Variants in KCNAB1 observed in about 807,000 individuals in gnomAD.
KCNAB1 encodes voltage-gated potassium channel subunit beta-1.
A neutral mutation model predicts 64.6 loss-of-function variants in KCNAB1; 35 were observed. The observed-to-expected ratio is 0.54, with a 90% CI of 0.41 to 0.72. The LOEUF is 0.72. Ranked by LOEUF, KCNAB1 falls within the 30% of genes least tolerant of loss-of-function variation. KCNAB1 has a pLI of 0.00. For synonymous variants in KCNAB1, 177 were observed against 183.8 expected (o/e 0.96, Z 0.30); for missense variants, 401 against 512.9 (o/e 0.78, Z 2.11).
At chr3:156,517,689 A>G (rs1717648294) in intron 11 of KCNAB1, among the ~76,000 whole-genome samples, 1 of 152,238 alleles carries the variant, frequency 6.6e-6, no homozygotes, top group African/African-American at 2.4e-5. Flanking sequence ...ATTCTCACAA[A>G]CAGAATGGAT....
chr3:156,396,299 A>G (rs2108179938), intron 1 of KCNAB1, among the ~76,000 whole-genome samples: 1 of 152,356 alleles, frequency 6.6e-6, no homozygotes, highest in Admixed American at 6.5e-5. Flanking sequence ...TAGACTATGC[A>G]AGTTCTAAAA....
chr3:156,535,826 A>T (rs1719017876), intron 13 of KCNAB1, among the ~76,000 whole-genome samples: 1 of 151,978 alleles, frequency 6.6e-6, no homozygotes, highest in African/African-American at 2.4e-5. Flanking sequence ...CACCTCCTCC[A>T]GCTCATCCTT....
At chr3:156,333,105 A>G (rs1405788616) in intron 1 of KCNAB1, among the ~76,000 whole-genome samples, 1 of 151,716 alleles carries the variant, frequency 6.6e-6, no homozygotes, top group Non-Finnish European at 1.5e-5. Context: ...ATCATTTCTC[A>G]CTCCTTCGTC....
intron 1 of KCNAB1, among the ~76,000 whole-genome samples, chr3:156,319,234 G>A (rs1435054841): frequency 1.3e-5 from 2 of 152,150 alleles, no homozygotes; most frequent in African/African-American, 4.8e-5. Flanking sequence ...GTCAGTTAGA[G>A]TAGTCCAGGT....
chr3:156,460,040 G>A (rs557947849), intron 5 of KCNAB1, 169 bp downstream of exon 5: 5 of 526,506 alleles, frequency 9.5e-6, no homozygotes, highest in South Asian at 5.9e-5. Context: ...GTTCACTTCT[G>A]GAGCTTCAAA....
chr3:156,198,723 C>T (rs540692583), intron 1 of KCNAB1, among the ~76,000 whole-genome samples: 23 of 87,528 alleles, frequency 2.6e-4, no homozygotes, highest in South Asian at 1.3e-3. Context: ...CTCCTGAATA[C>T]GGCACACCAA....
At chr3:156,342,249 A>G (rs200388308) in intron 1 of KCNAB1, among the ~76,000 whole-genome samples, 2 of 152,134 alleles carry the variant, frequency 1.3e-5, no homozygotes, top group Non-Finnish European at 2.9e-5. Context: ...GAGGTAGACT[A>G]CACTTCAGGG....
chr3:156,189,129 C>T (rs1190842772), intron 1 of KCNAB1, among the ~76,000 whole-genome samples: 1 of 152,206 alleles, frequency 6.6e-6, no homozygotes, highest in African/African-American at 2.4e-5. Flanking sequence ...CCTATGACTC[C>T]CTTTATTTGA....
chr3:156,187,132 G>T (rs1011947242), intron 1 of KCNAB1, among the ~76,000 whole-genome samples: 1 of 152,188 alleles, frequency 6.6e-6, no homozygotes, highest in Non-Finnish European at 1.5e-5. Context: ...GGGATTACAT[G>T]CATGAGCCAC....
chr3:156,476,522 TACACACACAC>T lies in KCNAB1; in HGVS notation c.658+1717_658+1726del, dbSNP rs10542832. Among the ~76,000 whole-genome samples, 21 of 147,564 alleles carry T rather than the reference TACACACACAC, an allele frequency of 1.4e-4. No individual in the cohort carries two copies. The East Asian group carries it at 1.8e-3, about 13-fold the overall frequency. On this transcript the variant is annotated intron_variant, in intron 8 of 13. Transcript: ENST00000490337. The stretch of plus-strand genomic sequence containing the variant: ...TAGTATTCCATCATATATATATATA[TACACACACAC>T]ACACACACACACACGCACACACACA...
At chr3:156,438,962 C>T (rs1419223965) in intron 2 of KCNAB1, among the ~76,000 whole-genome samples, 1 of 151,620 alleles carries the variant, frequency 6.6e-6, no homozygotes, top group Admixed American at 6.6e-5. Context: ...TGCAGTGAGC[C>T]GAGGTTGTGC....
chr3:156,513,209 C>G (rs2108389122), intron 8 of KCNAB1, among the ~76,000 whole-genome samples: 1 of 151,600 alleles, frequency 6.6e-6, no homozygotes, highest in Non-Finnish European at 1.5e-5. Flanking sequence ...AAGACTCCAT[C>G]TCAAAAAAAA....
In KCNAB1 at chr3:156,403,695, C is replaced by T. The variant is rs558050979; in HGVS notation, c.276-17921C>T. 1.3e-3 allele frequency among the ~76,000 whole-genome samples: 205 copies of T among 152,204 alleles called. 1 individual carries two copies. Among genetic ancestry groups the T allele is most frequent in the Non-Finnish European group, 2.5e-3 (169 of 68,008 alleles). The stretch of plus-strand genomic sequence containing the variant: ...AGATCATGAGGTCAGGAGTTCAAGA[C>T]CAGCCTGAGCAACATGGTGAAACCC... On this transcript the variant is annotated intron_variant, in intron 1 of 13. Coordinates refer to ENST00000490337, the MANE Select transcript of KCNAB1 (RefSeq NM_172160.3).
chr3:156,277,494 G>A (rs1379083496), intron 1 of KCNAB1, among the ~76,000 whole-genome samples: 1 of 152,146 alleles, frequency 6.6e-6, no homozygotes, highest in Non-Finnish European at 1.5e-5. Context: ...AGGTATGCCT[G>A]TATTTGTTCT....
chr3:156,234,347 G>T (rs1716729315), intron 1 of KCNAB1, among the ~76,000 whole-genome samples: 1 of 152,106 alleles, frequency 6.6e-6, no homozygotes, highest in Non-Finnish European at 1.5e-5. Context: ...CTGTAAGAAG[G>T]AGAAGAGAGA....
chr3:156,279,984 A>T (rs1205874055), intron 1 of KCNAB1, among the ~76,000 whole-genome samples: 2,860 of 146,588 alleles, frequency 0.02, 101 homozygotes, highest in African/African-American at 0.072. Flanking sequence ...AGATCCCATT[A>T]GTCAATTTTG....
chr3:156,180,933 T>G (rs1481815796), intron 1 of KCNAB1, among the ~76,000 whole-genome samples: 1 of 152,194 alleles, frequency 6.6e-6, no homozygotes, highest in Non-Finnish European at 1.5e-5. Context: ...TATTTTCTCA[T>G]AGCCCTGGAC....
chr3:156,422,548 G>A (rs957452866), intron 2 of KCNAB1, among the ~76,000 whole-genome samples: 1 of 152,236 alleles, frequency 6.6e-6, no homozygotes, highest in Non-Finnish European at 1.5e-5. Flanking sequence ...ATGAGTAAAT[G>A]AGGTAGAAAA....
intron 1 of KCNAB1, among the ~76,000 whole-genome samples, chr3:156,402,491 A>G: frequency 6.6e-6 from 1 of 152,214 alleles, no homozygotes; most frequent in South Asian, 2.1e-4. Flanking sequence ...CAATAACTGA[A>G]TCTACATTCC....
Sources: gnomAD v4.1 joint callset for allele counts (sites outside exome capture counted in the v4.1 genomes callset) on GRCh38, gnomAD v4.1.1 for gene constraint, MANE v1.5 for transcripts, NCBI Gene and HGNC (gene_info 2026-07-23, HGNC 2026-07-21) for gene names.